Variants in EPB41 observed in about 807,000 individuals in gnomAD.
EPB41 encodes erythrocyte membrane protein band 4.1.
Under a neutral mutation model 108.0 loss-of-function variants are expected in EPB41, and 65 were observed. The ratio of observed to expected loss-of-function variants is 0.60; its 90% confidence interval spans 0.49 to 0.74. The LOEUF is 0.74. Among genes scored for constraint, EPB41 ranks in the 30% least tolerant of loss-of-function variants. The probability of loss-of-function intolerance (pLI) is 0.00; values close to 1 mark genes in which losing one functional copy is unlikely to be tolerated. For missense variants in EPB41, 875 were observed against 1,037.0 expected (o/e 0.84, Z 2.15); for synonymous variants, 336 against 358.9 (o/e 0.94, Z 0.72).
At chr1:28,993,765 TCC>T (rs2096085757) in intron 3 of EPB41, among the ~76,000 whole-genome samples, 2 of 151,500 alleles carry the variant, frequency 1.3e-5, no homozygotes, top group African/African-American at 4.9e-5. Context: ...CAAGTGATTC[TCC>T]TGTCTCAGCC....
intron 16 of EPB41, among the ~76,000 whole-genome samples, chr1:29,095,487 AG>A (rs1662876439): frequency 6.6e-6 from 1 of 152,170 alleles, no homozygotes; most frequent in Middle Eastern, 3.2e-3. Flanking sequence ...CAACCTGATT[AG>A]GTTCCTCAAG....
intron 8 of EPB41, 62 bp downstream of exon 8, chr1:29,030,549 T>C: frequency 8.5e-7 from 1 of 1,179,658 alleles, no homozygotes; most frequent in Non-Finnish European, 1.3e-6. Flanking sequence ...TACATGTCTG[T>C]TATGTATGTA....
intron 7 of EPB41, among the ~76,000 whole-genome samples, chr1:29,028,763 C>T (rs941326661): frequency 1.1e-4 from 16 of 152,102 alleles, no homozygotes; most frequent in African/African-American, 2.2e-4. Context: ...TAAAATTCAG[C>T]GGGAGTGGTG....
chr1:29,043,246 AATTTAGAAGGCTTCTTTGAGG>A (rs1642160020), intron 11 of EPB41, among the ~76,000 whole-genome samples: 1 of 152,214 alleles, frequency 6.6e-6, no homozygotes, highest in African/African-American at 2.4e-5. Context: ...GGTCCAATCT[AATTTAGAAGGCTTCTTTGAGG>A]AGCTTCATTT....
At chr1:29,081,987 A>C (rs2151272540) in intron 16 of EPB41, among the ~76,000 whole-genome samples, 1 of 152,368 alleles carries the variant, frequency 6.6e-6, no homozygotes, top group East Asian at 1.9e-4. Flanking sequence ...CTAACACAGA[A>C]AGCCATTTTC....
At chr1:29,111,166 CA>C (rs1313702265) in intron 18 of EPB41, among the ~76,000 whole-genome samples, 193 of 108,516 alleles carry the variant, frequency 1.8e-3, no homozygotes, top group Non-Finnish European at 1.7e-3. Context: ...GACTCCATCT[CA>C]AAAAAAAAAA....
chr1:29,028,450 T>G (rs771151150), intron 7 of EPB41, among the ~76,000 whole-genome samples: 3 of 152,180 alleles, frequency 2.0e-5, no homozygotes, highest in Non-Finnish European at 4.4e-5. Context: ...TCGATCCCAA[T>G]AGTAACATTC....
At chr1:29,080,244 G>T (rs1014748301) in intron 16 of EPB41, among the ~76,000 whole-genome samples, 17 of 151,294 alleles carry the variant, frequency 1.1e-4, no homozygotes, top group Admixed American at 6.6e-5. Context: ...TCAGTCTCCC[G>T]AGTAGCTGGG....
chr1:28,957,839 A>G (rs1346113533), intron 1 of EPB41, among the ~76,000 whole-genome samples: 1 of 152,194 alleles, frequency 6.6e-6, no homozygotes, highest in Non-Finnish European at 1.5e-5. Context: ...CCAATTCCTT[A>G]TACCGTCTTC....
Position 29,119,401 on chromosome 1 carries a change from TAG to T in EPB41, c.*2592_*2593del, listed in dbSNP as rs1278526478. ...GTCAGAAACTTGGCAACAGTTTTCC[TAG>T]AGTGACTCAGACACACCACAGTAAC... On this transcript the variant is annotated 3_prime_UTR_variant, in exon 21 of 21. Coordinates refer to ENST00000343067, the MANE Select transcript of EPB41 (RefSeq NM_001376013.1). 12 of 152,774 alleles carry T rather than the reference TAG, an allele frequency of 7.9e-5. No individual in the cohort carries two copies. The highest frequency in any genetic ancestry group is 2.6e-4 in the African/African-American group (11 of 41,592). The allele number at this position is 152,774 out of a possible 1,614,324, so 9.5% of individuals were successfully genotyped here.
At chr1:28,932,649 T>C (rs924395995) in intron 1 of EPB41, among the ~76,000 whole-genome samples, 30 of 152,200 alleles carry the variant, frequency 2.0e-4, no homozygotes, top group African/African-American at 7.2e-4. Flanking sequence ...ATTCTTGTTT[T>C]GTCAGGCTCT....
intron 1 of EPB41, among the ~76,000 whole-genome samples, chr1:28,959,083 G>A (rs1445534835): frequency 6.6e-6 from 1 of 152,004 alleles, no homozygotes; most frequent in Non-Finnish European, 1.5e-5. Context: ...TTAGGAAGCA[G>A]CAAGTAGTTC....
chr1:29,103,638 CA>C (rs1255149424), intron 17 of EPB41, among the ~76,000 whole-genome samples: 10 of 152,214 alleles, frequency 6.6e-5, no homozygotes, highest in Non-Finnish European at 1.3e-4. Context: ...AGTCAAGATA[CA>C]AATTGCTTTT....
intron 5 of EPB41, among the ~76,000 whole-genome samples, chr1:29,013,840 T>TTG (rs1225492192): frequency 1.4e-5 from 2 of 145,894 alleles, no homozygotes; most frequent in East Asian, 1.9e-4. Flanking sequence ...TTAAGTTTTT[T>TTG]TTTTTTTTTT....
At chr1:28,899,091 TCA>T (rs1325220296) in intron 1 of EPB41, among the ~76,000 whole-genome samples, 1 of 152,132 alleles carries the variant, frequency 6.6e-6, no homozygotes, top group Non-Finnish European at 1.5e-5. Context: ...CAGTGCAAGA[TCA>T]CACAGTAGAA....
chr1:28,945,858 A>G (rs995474298), intron 1 of EPB41, among the ~76,000 whole-genome samples: 46 of 152,364 alleles, frequency 3.0e-4, no homozygotes, highest in African/African-American at 1.0e-3. Flanking sequence ...ACATTAGTCA[A>G]GATTTGCCAG....
intron 1 of EPB41, among the ~76,000 whole-genome samples, chr1:28,954,278 A>G (rs1314435006): frequency 1.3e-5 from 2 of 152,240 alleles, no homozygotes; most frequent in African/African-American, 4.8e-5. Flanking sequence ...TGTAGAGGGC[A>G]AAGTAAAAGA....
chr1:29,021,223 CA>C (rs2096640487), intron 7 of EPB41, among the ~76,000 whole-genome samples: 1 of 152,062 alleles, frequency 6.6e-6, no homozygotes, highest in African/African-American at 2.4e-5. Flanking sequence ...TCAAGGGGTC[CA>C]TGAAGTCAAA....
chr1:28,925,444 A>C (rs1446639402), intron 1 of EPB41, among the ~76,000 whole-genome samples: 6 of 152,156 alleles, frequency 3.9e-5, no homozygotes, highest in Admixed American at 3.9e-4. Flanking sequence ...GGGATAAATA[A>C]TAAATGTATA....
Sources: gnomAD v4.1 joint callset for allele counts (sites outside exome capture counted in the v4.1 genomes callset) on GRCh38, gnomAD v4.1.1 for gene constraint, MANE v1.5 for transcripts, NCBI Gene and HGNC (gene_info 2026-07-23, HGNC 2026-07-21) for gene names.